The following SDK2 variants were observed in gnomAD, a reference collection of about 807,000 sequenced individuals.
SDK2 encodes protein sidekick-2.
A neutral mutation model predicts 253.9 loss-of-function variants in SDK2; 105 were observed. The ratio of observed to expected loss-of-function variants is 0.41; its 90% CI spans 0.35 to 0.49. The LOEUF is 0.49. SDK2 is among the 20% of genes least tolerant of loss of function. The pLI, the probability that SDK2 is intolerant of heterozygous loss-of-function variation, is 0.06. For synonymous variants in SDK2, 1,249 were observed against 1,234.9 expected (o/e 1.01, Z -0.24); for missense variants, 2,608 against 3,003.0 (o/e 0.87, Z 3.07).
At position 73,507,426 on chromosome 17, in the gene SDK2, G is replaced by A. The variant is rs758771723; in HGVS notation, c.224+12C>T. On this transcript the variant is annotated intron_variant, in intron 2 of 44. Coordinates refer to ENST00000392650, the MANE Select transcript of SDK2 (RefSeq NM_001144952.2). ...TGGCAGCCAGGAGGAAGGGCGGGGAGGGGCAGTTTACCTGTATTCCAGGGA... is the reference window on the plus strand; with the variant it reads ...TGGCAGCCAGGAGGAAGGGCGGGGAAGGGCAGTTTACCTGTATTCCAGGGA... The A allele has an allele frequency of 1.3e-6, 2 of 1,547,442 alleles. No individual in the cohort carries two copies. The highest frequency in any genetic ancestry group is 2.0e-5 in the Admixed American group (1 of 50,894).
intron 1 of SDK2, among the ~76,000 whole-genome samples, chr17:73,540,802 C>T (rs2145820483): frequency 6.6e-6 from 1 of 152,316 alleles, no homozygotes; most frequent in South Asian, 2.1e-4. Flanking sequence ...TCTGCCTCTC[C>T]CCTCGTGGGC....
chr17:73,464,679 A>C (rs1172969319), intron 3 of SDK2, among the ~76,000 whole-genome samples: 4 of 152,116 alleles, frequency 2.6e-5, no homozygotes, highest in African/African-American at 9.7e-5. Context: ...TCTGACCTGG[A>C]ATGATCTCCT....
At position 73,465,035 on chromosome 17, in the gene SDK2, T is replaced by C. The variant is rs1019521493; in HGVS notation, c.331+7077A>G. Reference sequence around the variant, plus strand: ...ATCATTGTTTCCTGAGTGATTTGAATACTCAGGTAACATGAGTGCTCCAGA... The same window carrying C: ...ATCATTGTTTCCTGAGTGATTTGAACACTCAGGTAACATGAGTGCTCCAGA... On this transcript the variant is annotated intron_variant, in intron 3 of 44. Transcript: ENST00000392650. This position sits in a 1 kb window ranked among gnomAD's most constrained non-coding sequence, Gnocchi z 4.2. 6.6e-6 allele frequency among the ~76,000 whole-genome samples: 1 copy of C among 152,208 alleles called. No homozygotes were observed. The highest frequency in any genetic ancestry group is 2.4e-5 in the African/African-American group (1 of 41,458).
intron 1 of SDK2, among the ~76,000 whole-genome samples, chr17:73,592,877 C>T (rs557695789): frequency 6.6e-5 from 10 of 152,240 alleles, no homozygotes; most frequent in African/African-American, 1.2e-4. Context: ...GCCACATGCC[C>T]GTCTCCCAAG....
chr17:73,514,635 A>G (rs958106054), intron 1 of SDK2, among the ~76,000 whole-genome samples: 1 of 152,158 alleles, frequency 6.6e-6, no homozygotes, highest in Non-Finnish European at 1.5e-5. Context: ...CCTCCAGAAT[A>G]AGCTGCAGGG....
intron 12 of SDK2, among the ~76,000 whole-genome samples, chr17:73,427,075 A>C (rs2063289802): frequency 6.6e-6 from 1 of 151,612 alleles, no homozygotes; most frequent in Non-Finnish European, 1.5e-5. Flanking sequence ...ACAGAGCGAG[A>C]CTCCATCTCA....
chr17:73,386,754 C>CCTAGACCAGGTCCT (rs2062875947), intron 30 of SDK2, among the ~76,000 whole-genome samples: 1 of 152,200 alleles, frequency 6.6e-6, no homozygotes, highest in African/African-American at 2.4e-5. Context: ...GTCCCAAGCA[C>CCTAGACCAGGTCCT]CTAGACCAGG....
At chr17:73,484,480 C>T (rs1021981206) in intron 2 of SDK2, among the ~76,000 whole-genome samples, 1 of 152,244 alleles carries the variant, frequency 6.6e-6, no homozygotes. Flanking sequence ...CCTCTTCCCT[C>T]ACAGTGAGTG....
intron 1 of SDK2, among the ~76,000 whole-genome samples, chr17:73,595,879 G>T (rs989017005): frequency 6.6e-6 from 1 of 152,326 alleles, no homozygotes; most frequent in East Asian, 1.9e-4. Context: ...ATCCTGTGGG[G>T]CTCCCTGCTG....
intron 16 of SDK2, among the ~76,000 whole-genome samples, chr17:73,418,022 T>TTTG (rs992810930): frequency 1.3e-5 from 2 of 149,190 alleles, no homozygotes; most frequent in African/African-American, 5.0e-5. Flanking sequence ...TTTTTTTTTT[T>TTTG]TTTTTTGTTT....
chr17:73,433,069 C>T (rs560359641), intron 10 of SDK2, among the ~76,000 whole-genome samples: 2 of 152,244 alleles, frequency 1.3e-5, no homozygotes, highest in Non-Finnish European at 2.9e-5. Flanking sequence ...AAGCACCTAT[C>T]GTTTCCTGGG....
chr17:73,585,695 C>T (rs1453525777), intron 1 of SDK2, among the ~76,000 whole-genome samples: 1 of 152,166 alleles, frequency 6.6e-6, no homozygotes, highest in African/African-American at 2.4e-5. Flanking sequence ...CCTTTGAGTC[C>T]AGGGGGAGCC....
rs537850861 is a variant in SDK2, at chr17:73,544,383, C to G, written c.65-36786G>C. Among the ~76,000 whole-genome samples, 5 of 152,308 alleles carry G rather than the reference C, an allele frequency of 3.3e-5. No individual in the cohort carries two copies. In the South Asian group the frequency reaches 1.0e-3, roughly 32 times the overall value. On this transcript the variant is annotated intron_variant, in intron 1 of 44. Transcript: ENST00000392650. ...CCTGTCTCCCCACCCGCACTGAGCT[C>G]CGTGAGGACAGGGACTTGCCTGGCA...
intron 1 of SDK2, among the ~76,000 whole-genome samples, chr17:73,553,865 C>T (rs1457322882): frequency 6.6e-6 from 1 of 152,140 alleles, no homozygotes. Flanking sequence ...TCCCTACTCC[C>T]TCCCTAGGTA....
chr17:73,476,787 G>C (rs1328838395), intron 2 of SDK2, among the ~76,000 whole-genome samples: 5 of 152,150 alleles, frequency 3.3e-5, no homozygotes, highest in East Asian at 3.9e-4. Context: ...GGAATACCCA[G>C]GTCCCAGTTA....
intron 1 of SDK2, among the ~76,000 whole-genome samples, chr17:73,545,024 C>CACTCCTTCT (rs1424123711): frequency 1.3e-5 from 2 of 152,002 alleles, no homozygotes; most frequent in South Asian, 2.1e-4. Flanking sequence ...CTTGGGCCCC[C>CACTCCTTCT]TCCTGTTGCA....
intron 2 of SDK2, among the ~76,000 whole-genome samples, chr17:73,478,425 G>T (rs2063700684): frequency 6.6e-6 from 1 of 152,152 alleles, no homozygotes; most frequent in African/African-American, 2.4e-5. Context: ...CTTGGGGCTG[G>T]GGGCAGAAAG....
chr17:73,454,666 T>A (rs759571258), intron 4 of SDK2, among the ~76,000 whole-genome samples: 2 of 152,218 alleles, frequency 1.3e-5, no homozygotes, highest in Non-Finnish European at 2.9e-5. Flanking sequence ...ATAGCAGCCA[T>A]TCAATAAACG....
At chr17:73,370,019 G>C (rs562259729) in intron 36 of SDK2, among the ~76,000 whole-genome samples, 2 of 152,178 alleles carry the variant, frequency 1.3e-5, no homozygotes, top group Non-Finnish European at 2.9e-5. Flanking sequence ...TCCAGATAGC[G>C]GCCAGCTGGG....
Sources: allele counts gnomAD v4.1 joint callset (sites outside exome capture counted in the v4.1 genomes callset), GRCh38; gene constraint gnomAD v4.1.1; non-coding constraint Gnocchi (gnomAD v3.1); transcripts MANE v1.5; gene names NCBI Gene and HGNC (gene_info 2026-07-23, HGNC 2026-07-21).